Variants in RFC3 observed in about 807,000 individuals in gnomAD.
The protein encoded by RFC3 is A1 38 kDa subunit.
In RFC3, 41 loss-of-function variants were observed where a neutral mutation model predicts 45.1. That is an observed-to-expected ratio of 0.91 (90% CI 0.71 to 1.18). The LOEUF (loss-of-function observed/expected upper bound fraction) is 1.18, where lower values mean the gene tolerates loss of function less well. RFC3 is among the 50% of genes most tolerant of loss of function. The probability of loss-of-function intolerance (pLI) is 0.00; values close to 1 mark genes in which losing one functional copy is unlikely to be tolerated. For synonymous variants in RFC3, 149 were observed against 144.0 expected (o/e 1.03, Z -0.25); for missense variants, 423 against 428.1 (o/e 0.99, Z 0.10).
chr13:33,828,200 T>C (rs942820206), intron 4 of RFC3, among the ~76,000 whole-genome samples: 1 of 152,078 alleles, frequency 6.6e-6, no homozygotes, highest in Non-Finnish European at 1.5e-5. Flanking sequence ...TGTTCTGAGC[T>C]CTATTCCCTA....
chr13:33,887,705 T>C (rs900781503), intron 8 of RFC3, among the ~76,000 whole-genome samples: 18 of 152,190 alleles, frequency 1.2e-4, no homozygotes, highest in Non-Finnish European at 2.4e-4. Context: ...TCCTTGCCCA[T>C]GCCTATGTCC....
intron 8 of RFC3, among the ~76,000 whole-genome samples, chr13:33,949,868 C>T (rs1172762151): frequency 1.3e-5 from 2 of 152,128 alleles, no homozygotes; most frequent in African/African-American, 4.8e-5. Flanking sequence ...ACCTGACAGC[C>T]TTCAAATTGA....
intron 8 of RFC3, among the ~76,000 whole-genome samples, chr13:33,868,166 C>T (rs1395580871): frequency 6.6e-6 from 1 of 152,060 alleles, no homozygotes; most frequent in African/African-American, 2.4e-5. Flanking sequence ...ATATCAGGTA[C>T]GAAGATAACT....
intron 8 of RFC3, among the ~76,000 whole-genome samples, chr13:33,955,310 A>AG (rs756004561): frequency 6.6e-6 from 1 of 152,350 alleles, no homozygotes; most frequent in East Asian, 1.9e-4. Flanking sequence ...TTGTAAAAAA[A>AG]GGTTTAACTC....
chr13:33,925,203 T>C lies in RFC3; in HGVS notation c.880-40884T>C, dbSNP rs188706750. On this transcript the variant is annotated intron_variant, in intron 8 of 8. Transcript: ENST00000434425. ...ATACACATATAGTGTACTATATACA[T>C]ACACATATAGTGTACTATATACATA... Among the ~76,000 whole-genome samples the C allele has an allele frequency of 5.2e-4, 68 of 131,336 alleles. 1 individual carries two copies. Among genetic ancestry groups the C allele is most frequent in the African/African-American group, 1.8e-3 (60 of 33,886 alleles). 86.2% of individuals were successfully genotyped at this position (131,336 alleles called of 152,430 possible). A position where few individuals can be genotyped will look rare whatever the true frequency, so the allele number is the denominator to read the frequency against.
intron 8 of RFC3, among the ~76,000 whole-genome samples, chr13:33,933,136 T>G (rs894642431): frequency 6.6e-6 from 1 of 152,182 alleles, no homozygotes; most frequent in African/African-American, 2.4e-5. Context: ...ATGCAAATGC[T>G]TATGGCAAAC....
intron 7 of RFC3, among the ~76,000 whole-genome samples, chr13:33,834,328 A>G (rs1238985266): frequency 1.8e-5 from 2 of 114,228 alleles, no homozygotes; most frequent in Non-Finnish European, 3.8e-5. Flanking sequence ...ATATATATAT[A>G]TATCTGTACT....
At position 33,900,392 on chromosome 13, in the gene RFC3, A is replaced by C. The variant is rs78686903; in HGVS notation, c.879+65175A>C. On this transcript the variant is annotated intron_variant, in intron 8 of 8. Coordinates refer to the RFC3 transcript ENST00000434425. ...TAAATACATGCATTTATAGCCAACT[A>C]GTCTTTGACAAAGTTTCCAAGAATG... is the stretch of plus-strand genomic sequence containing the variant. Among the ~76,000 whole-genome samples, 1,448 of 151,982 alleles carry C rather than the reference A, an allele frequency of 9.5e-3. 27 individuals are homozygous for C. Among genetic ancestry groups the C allele is most frequent in the African/African-American group, 0.033 (1,360 of 41,534 alleles).
intron 8 of RFC3, among the ~76,000 whole-genome samples, chr13:33,861,383 T>G (rs1036585014): frequency 3.3e-5 from 5 of 152,208 alleles, no homozygotes; most frequent in African/African-American, 1.2e-4. Context: ...ATCCCAGCAC[T>G]TTGGGAGGCC....
intron 8 of RFC3, among the ~76,000 whole-genome samples, chr13:33,920,939 A>G (rs1281210894): frequency 1.3e-5 from 2 of 152,082 alleles, no homozygotes; most frequent in African/African-American, 4.8e-5. Flanking sequence ...ATAGAGGCAA[A>G]TTTATGTTTC....
chr13:33,842,443 T>C (rs2082206425), downstream of RFC3, among the ~76,000 whole-genome samples: 1 of 152,226 alleles, frequency 6.6e-6, no homozygotes, highest in Non-Finnish European at 1.5e-5. Context: ...CTGTATCTGC[T>C]ACTTGCGTGT....
At chr13:33,925,690 T>TAAACAC in intron 8 of RFC3, among the ~76,000 whole-genome samples, 1 of 148,652 alleles carries the variant, frequency 6.7e-6, no homozygotes, top group African/African-American at 2.5e-5. Context: ...TATGTATATA[T>TAAACAC]ACACACACAC....
intron 8 of RFC3, among the ~76,000 whole-genome samples, chr13:33,960,390 C>A (rs1056207881): frequency 6.6e-6 from 1 of 152,142 alleles, no homozygotes; most frequent in Admixed American, 6.5e-5. Context: ...GAGTCTTGCC[C>A]GAGTCTAGCT....
intron 8 of RFC3, among the ~76,000 whole-genome samples, chr13:33,950,104 C>T (rs1439396218): frequency 1.3e-5 from 2 of 151,372 alleles, no homozygotes; most frequent in African/African-American, 4.9e-5. Context: ...CACACACACA[C>T]ACCCCGTTAT....
intron 8 of RFC3, among the ~76,000 whole-genome samples, chr13:33,943,279 T>A (rs1413584122): frequency 6.6e-6 from 1 of 152,178 alleles, no homozygotes; most frequent in African/African-American, 2.4e-5. Context: ...TAACACGGCA[T>A]AAGGTATGTA....
intron 8 of RFC3, among the ~76,000 whole-genome samples, chr13:33,869,654 G>T (rs2082395193): frequency 6.6e-6 from 1 of 152,144 alleles, no homozygotes; most frequent in East Asian, 1.9e-4. Context: ...TTTTGCTACT[G>T]GATGGGGCTG....
At chr13:33,901,307 T>A (rs1242551036) in intron 8 of RFC3, among the ~76,000 whole-genome samples, 1 of 152,002 alleles carries the variant, frequency 6.6e-6, no homozygotes, top group Non-Finnish European at 1.5e-5. Flanking sequence ...CATCAATGGA[T>A]GAATGGATAA....
intron 1 of RFC3, among the ~76,000 whole-genome samples, chr13:33,818,881 G>GTTTTTT (rs72236854): frequency 8.9e-6 from 1 of 112,040 alleles, no homozygotes. Context: ...CCTGAGATTA[G>GTTTTTT]TTTTTTTTTT....
intron 8 of RFC3, among the ~76,000 whole-genome samples, chr13:33,927,386 A>T (rs2082820714): frequency 6.6e-6 from 1 of 152,072 alleles, no homozygotes. Context: ...GGTTCTGGTG[A>T]TGTCTTCCAG....
Sources: allele counts gnomAD v4.1 joint callset (sites outside exome capture counted in the v4.1 genomes callset), GRCh38; gene constraint gnomAD v4.1.1; transcripts MANE v1.5; gene names NCBI Gene and HGNC (gene_info 2026-07-23, HGNC 2026-07-21).